KCNH4: variants seen among roughly 807,000 people sequenced by gnomAD.
KCNH4 encodes the protein voltage-gated delayed rectifier potassium channel KCNH4.
In KCNH4, 33 loss-of-function variants were observed where a neutral mutation model predicts 90.7. The ratio of observed to expected loss-of-function variants is 0.36; its 90% CI spans 0.28 to 0.49. KCNH4 has a LOEUF of 0.49. Ranked by LOEUF, KCNH4 falls within the 20% of genes least tolerant of loss-of-function variation. The pLI, the probability that KCNH4 is intolerant of heterozygous loss-of-function variation, is 0.98. For missense variants in KCNH4, 1,044 were observed against 1,387.1 expected (o/e 0.75, Z 3.93); for synonymous variants, 551 against 581.7 (o/e 0.95, Z 0.76).
At chr17:42,172,150 C>T (rs1385505706) in intron 6 of KCNH4, among the ~76,000 whole-genome samples, 155 bp from the exon 7 acceptor site, 1 of 151,984 alleles carries the variant, frequency 6.6e-6, no homozygotes, top group Admixed American at 6.5e-5. Context: ...CCAAGGAATG[C>T]AGCAGCAAGG....
chr17:42,174,434 G>T (rs1225938994), intron 6 of KCNH4, among the ~76,000 whole-genome samples: 1 of 152,150 alleles, frequency 6.6e-6, no homozygotes, highest in Non-Finnish European at 1.5e-5. Flanking sequence ...GGGCATAGAG[G>T]GGTGGGCGCA....
At chr17:42,168,802 C>T (rs1010637827) in intron 9 of KCNH4, among the ~76,000 whole-genome samples, 9 of 151,320 alleles carry the variant, frequency 5.9e-5, no homozygotes, top group Admixed American at 2.0e-4. Flanking sequence ...GACAGAGTCT[C>T]GCTCTGCCGC....
At chr17:42,158,419 T>A (rs902000610) in intron 16 of KCNH4, among the ~76,000 whole-genome samples, 1 of 149,366 alleles carries the variant, frequency 6.7e-6, no homozygotes, top group African/African-American at 2.5e-5. Context: ...TAGTCCCAGC[T>A]ACTCGGGAGG....
chr17:42,164,033 G>T, intron 12 of KCNH4, 75 bp from the exon 13 acceptor site: 1 of 1,500,566 alleles, frequency 6.7e-7, no homozygotes, highest in Non-Finnish European at 9.0e-7. Context: ...AGCCTTCGCC[G>T]GCGGATGCAG....
At chr17:42,172,183 A>C (rs1441856674) in intron 6 of KCNH4, among the ~76,000 whole-genome samples, 188 bp from the exon 7 acceptor site, 3 of 151,350 alleles carry the variant, frequency 2.0e-5, no homozygotes, top group Non-Finnish European at 2.9e-5. Flanking sequence ...TAAAACAAAC[A>C]GTGGCTAACA....
At chr17:42,172,081 A>G in intron 6 of KCNH4, 86 bp from the exon 7 acceptor site, 1 of 1,155,170 alleles carries the variant, frequency 8.7e-7, no homozygotes, top group South Asian at 1.4e-5. Flanking sequence ...CCCACCAGAC[A>G]ACCTGGAGCC....
chr17:42,161,889 G>GTT (rs2079750800), intron 15 of KCNH4, among the ~76,000 whole-genome samples: 1 of 151,822 alleles, frequency 6.6e-6, no homozygotes, highest in African/African-American at 2.4e-5. Flanking sequence ...CTTGCCCAAG[G>GTT]TTTAAGTTCA....
chr17:42,168,600 C>T (rs1372366175), intron 9 of KCNH4, among the ~76,000 whole-genome samples: 1 of 151,906 alleles, frequency 6.6e-6, no homozygotes, highest in African/African-American at 2.4e-5. Context: ...GCTGAGAGCA[C>T]ACCACTGCAC....
chr17:42,173,805 A>T (rs757863195), intron 6 of KCNH4, among the ~76,000 whole-genome samples: 3 of 136,472 alleles, frequency 2.2e-5, no homozygotes, highest in African/African-American at 5.5e-5. Flanking sequence ...GGTTCAGACC[A>T]TTCTCCTGCC....
chr17:42,166,195 A>AGG, intron 10 of KCNH4, 102 bp downstream of exon 10: 2 of 1,406,376 alleles, frequency 1.4e-6, no homozygotes, highest in Non-Finnish European at 1.9e-6. Flanking sequence ...GGTATCCACG[A>AGG]GGGGTATCCC....
At chr17:42,162,593 G>A (rs1007867454) in intron 14 of KCNH4, among the ~76,000 whole-genome samples, 1 of 151,132 alleles carries the variant, frequency 6.6e-6, no homozygotes, top group African/African-American at 2.4e-5. Context: ...TTCAACAATT[G>A]TTTTTGTTTT....
intron 6 of KCNH4, among the ~76,000 whole-genome samples, chr17:42,174,882 T>G (rs1315604389): frequency 6.6e-6 from 1 of 152,192 alleles, no homozygotes; most frequent in Non-Finnish European, 1.5e-5. Context: ...CTCCCCCAAA[T>G]GCTTGCTGTC....
Position 42,178,885 on chromosome 17 carries a change from G to A in KCNH4, c.218C>T (p.Pro73Leu). ...CTGCAGGGCTGGCTCACTGGTCTCT[G>A]GGCCGTAGAGGAAACGGCAGCTGCA... ...KTCSCRFLYG[P>L]ETSEPALQRL... The change falls in exon 2 of 17, where the codon CCA (proline) becomes CTA (leucine). Residue 73 changes from proline to leucine, a missense_variant. By Grantham distance (98) the Pro-to-Leu change is moderately conservative. This residue lies in a region of KCNH4 where 283 missense variants were observed against 378.6 expected (regional missense o/e 0.75). Coordinates refer to ENST00000264661, the MANE Select transcript of KCNH4 (RefSeq NM_012285.3). 3.1e-6 allele frequency: 5 copies of A among 1,614,178 alleles called. No homozygotes were observed. Among genetic ancestry groups the A allele is most frequent in the Non-Finnish European group, 4.2e-6 (5 of 1,180,042 alleles).
intron 9 of KCNH4, 74 bp from the exon 10 acceptor site, chr17:42,166,620 T>C: frequency 6.5e-7 from 1 of 1,528,094 alleles, no homozygotes; most frequent in Non-Finnish European, 8.9e-7. Flanking sequence ...TGCTGAGCTG[T>C]CTTCAAAGAG....
chr17:42,172,568 C>T (rs1329814856), intron 6 of KCNH4, among the ~76,000 whole-genome samples: 2 of 146,334 alleles, frequency 1.4e-5, no homozygotes, highest in African/African-American at 2.7e-5. Flanking sequence ...CACACACACA[C>T]ACACACACAC....
intron 6 of KCNH4, 71 bp downstream of exon 6, chr17:42,175,508 C>T (rs1392390728): frequency 2.6e-6 from 4 of 1,560,298 alleles, no homozygotes; most frequent in African/African-American, 2.7e-5. Flanking sequence ...GGTTTGGGGT[C>T]AGTCCCTTCC....
At chr17:42,169,022 C>T (rs866063370) in intron 9 of KCNH4, among the ~76,000 whole-genome samples, 1 of 152,136 alleles carries the variant, frequency 6.6e-6, no homozygotes, top group Non-Finnish European at 1.5e-5. Context: ...CCGCCCACCT[C>T]GGCCTCCCAA....
At chr17:42,166,853 G>A (rs2079791661) in intron 9 of KCNH4, among the ~76,000 whole-genome samples, 1 of 152,174 alleles carries the variant, frequency 6.6e-6, no homozygotes, top group Non-Finnish European at 1.5e-5. Context: ...TGGGAGTCAG[G>A]AGACCAGGAG....
chr17:42,170,336 T>A, intron 7 of KCNH4, 35 bp from the exon 8 acceptor site: 1 of 1,537,554 alleles, frequency 6.5e-7, no homozygotes, highest in Non-Finnish European at 8.7e-7. Flanking sequence ...GCCCTGGCTG[T>A]GCCAGCGGTG....
Sources: allele counts gnomAD v4.1 joint callset (sites outside exome capture counted in the v4.1 genomes callset), GRCh38; gene constraint gnomAD v4.1.1; regional missense constraint gnomAD v4.1.1; transcripts MANE v1.5; gene names NCBI Gene and HGNC (gene_info 2026-07-23, HGNC 2026-07-21).